Variants in SSBP3 observed in about 807,000 individuals in gnomAD.
The protein encoded by SSBP3 is single-stranded DNA-binding protein 3.
In SSBP3, 5 loss-of-function variants were observed where a neutral mutation model predicts 69.6. The ratio of observed to expected loss-of-function variants is 0.07; its 90% CI spans 0.04 to 0.15. The LOEUF (loss-of-function observed/expected upper bound fraction) is 0.15, where lower values mean the gene tolerates loss of function less well. SSBP3 is among the 10% of genes least tolerant of loss of function. The pLI, the probability that SSBP3 is intolerant of heterozygous loss-of-function variation, is 1.00. For missense variants in SSBP3, 312 were observed against 534.0 expected, an observed-to-expected ratio of 0.58 and a Z score of 4.10; for synonymous variants, 196 against 193.4, an observed-to-expected ratio of 1.01 and a Z score of -0.11.
intron 4 of SSBP3, among the ~76,000 whole-genome samples, chr1:54,299,370 C>T (rs11206325): frequency 0.047 from 7,195 of 152,268 alleles, 448 homozygotes; most frequent in Admixed American, 0.18. Flanking sequence ...AGGCACTGGT[C>T]CGATGTTCCC....
chr1:54,299,535 G>C (rs1645763596), intron 4 of SSBP3, among the ~76,000 whole-genome samples: 1 of 151,736 alleles, frequency 6.6e-6, no homozygotes, highest in African/African-American at 2.4e-5. Flanking sequence ...CACACATCTA[G>C]GCTATTCACA....
intron 3 of SSBP3, among the ~76,000 whole-genome samples, 156 bp downstream of exon 3, chr1:54,404,420 T>C (rs1305268332): frequency 6.6e-6 from 1 of 152,234 alleles, no homozygotes; most frequent in East Asian, 1.9e-4. Context: ...TTCTCCTCCT[T>C]GGCCAGCTGG....
Position 54,248,253 on chromosome 1 carries a change from T to C in SSBP3, c.651+3363A>G, listed in dbSNP as rs80028566. On this transcript the variant is annotated intron_variant, in intron 9 of 17. Coordinates refer to ENST00000610401, the Ensembl canonical transcript of SSBP3. ...GTGTGTTGTGGTGCTTACTTTATGC[T>C]GAAGGGGCTGGCCGCCCTTCCTGAC... is the stretch of plus-strand genomic sequence containing the variant. 7.8e-3 allele frequency among the ~76,000 whole-genome samples: 1,189 copies of C among 152,330 alleles called. 16 individuals carry two copies. The highest frequency in any genetic ancestry group is 0.027 in the African/African-American group (1,117 of 41,576).
At chr1:54,382,499 T>G (rs375991644) in intron 4 of SSBP3, among the ~76,000 whole-genome samples, 5 of 152,186 alleles carry the variant, frequency 3.3e-5, no homozygotes, top group African/African-American at 7.2e-5. Context: ...CATCAAATAT[T>G]TGATGAATGG....
intron 9 of SSBP3, among the ~76,000 whole-genome samples, chr1:54,243,524 T>C (rs968611679): frequency 1.3e-5 from 2 of 152,134 alleles, no homozygotes; most frequent in Non-Finnish European, 2.9e-5. Flanking sequence ...TCAGTGCATT[T>C]TCAGGAGCTT....
chr1:54,231,703 A>G (rs1274472059), intron 14 of SSBP3, among the ~76,000 whole-genome samples: 2 of 151,916 alleles, frequency 1.3e-5, no homozygotes, highest in Admixed American at 6.6e-5. Context: ...TTATTTTTTA[A>G]TTTATTTTTG....
chr1:54,251,845 G>T (rs753496793), exon 8 of SSBP3: 1 of 1,611,776 alleles, frequency 6.2e-7, no homozygotes, highest in Non-Finnish European at 8.5e-7. Context: ...TGTGTCCCAG[G>T]AACTCCTCCC....
chr1:54,264,458 C>T (rs1437231712), intron 5 of SSBP3, among the ~76,000 whole-genome samples: 1 of 152,264 alleles, frequency 6.6e-6, no homozygotes, highest in East Asian at 1.9e-4. Flanking sequence ...GTCTAGAAGT[C>T]ATGGGCTTGC....
intron 4 of SSBP3, among the ~76,000 whole-genome samples, chr1:54,321,152 T>C (rs1020055007): frequency 3.9e-5 from 6 of 152,172 alleles, no homozygotes; most frequent in African/African-American, 1.4e-4. Context: ...GCACTGACCC[T>C]GGAGAGACAG....
intron 4 of SSBP3, among the ~76,000 whole-genome samples, chr1:54,293,837 G>A (rs1030119208): frequency 2.0e-5 from 3 of 152,204 alleles, no homozygotes; most frequent in Non-Finnish European, 4.4e-5. Context: ...TAAAATTCTT[G>A]CAGAAATCCT....
intron 4 of SSBP3, among the ~76,000 whole-genome samples, chr1:54,297,310 A>T (rs1645719821): frequency 6.6e-6 from 1 of 152,228 alleles, no homozygotes; most frequent in African/African-American, 2.4e-5. Context: ...CAGTGGCATG[A>T]AGCACAAATG....
intron 5 of SSBP3, among the ~76,000 whole-genome samples, chr1:54,280,545 G>A (rs989690447): frequency 6.6e-6 from 1 of 152,002 alleles, no homozygotes; most frequent in Non-Finnish European, 1.5e-5. Context: ...TGGAGAACTC[G>A]GGCGGATTCT....
chr1:54,258,162 A>G lies in SSBP3; in HGVS notation c.367-13T>C. 3 of 1,575,326 alleles carry G rather than the reference A, an allele frequency of 1.9e-6. No individual in the cohort carries two copies. The highest frequency in any genetic ancestry group is 2.6e-6 in the Non-Finnish European group (3 of 1,161,278). On this transcript the variant is annotated splice_polypyrimidine_tract_variant and intron_variant, in intron 5 of 17. Coordinates refer to ENST00000610401, the Ensembl canonical transcript of SSBP3. The surrounding 1 kb of genome is among the most constrained non-coding windows in gnomAD (Gnocchi z 4.5). ...ACCCCGGAGGACCCTGTGAGGCCAG[A>G]CAGTAGAGGCAGGTTATAGATCACA...
At chr1:54,252,903 T>C (rs570036900) in intron 7 of SSBP3, among the ~76,000 whole-genome samples, 1 of 152,212 alleles carries the variant, frequency 6.6e-6, no homozygotes, top group Non-Finnish European at 1.5e-5. Flanking sequence ...GCTGGGCATC[T>C]GTGACAGGGG....
chr1:54,311,716 C>T (rs1335825021), intron 4 of SSBP3, among the ~76,000 whole-genome samples: 1 of 152,182 alleles, frequency 6.6e-6, no homozygotes, highest in Non-Finnish European at 1.5e-5. Flanking sequence ...CTACCCTGCA[C>T]CCGTGCCGAG....
intron 5 of SSBP3, among the ~76,000 whole-genome samples, chr1:54,272,684 A>C (rs1417773085): frequency 3.3e-5 from 5 of 152,190 alleles, no homozygotes; most frequent in Non-Finnish European, 7.3e-5. Flanking sequence ...CAGCCACGGT[A>C]CAGTGCTGGG....
At chr1:54,349,525 T>C (rs1646747440) in intron 4 of SSBP3, among the ~76,000 whole-genome samples, 1 of 152,154 alleles carries the variant, frequency 6.6e-6, no homozygotes, top group African/African-American at 2.4e-5. Context: ...AGGCTACTGG[T>C]TCCCCCCAAA....
chr1:54,247,994 C>T (rs557832569), intron 9 of SSBP3, among the ~76,000 whole-genome samples: 3 of 152,202 alleles, frequency 2.0e-5, no homozygotes, highest in Non-Finnish European at 2.9e-5. Flanking sequence ...CAGGGTGATA[C>T]CTGCGTTGCT....
chr1:54,381,461 G>A (rs1484038931), intron 4 of SSBP3, among the ~76,000 whole-genome samples: 1 of 149,100 alleles, frequency 6.7e-6, no homozygotes, highest in Non-Finnish European at 1.5e-5. Flanking sequence ...TGTCCTTGTA[G>A]ATTTGTGTTT....
Sources: allele counts gnomAD v4.1 joint callset (sites outside exome capture counted in the v4.1 genomes callset), GRCh38; gene constraint gnomAD v4.1.1; non-coding constraint Gnocchi (gnomAD v3.1); transcripts MANE v1.5; gene names NCBI Gene and HGNC (gene_info 2026-07-23, HGNC 2026-07-21).